Variants in SYAP1 observed in about 807,000 individuals in gnomAD.
SYAP1 encodes synapse associated protein 1, also known as synapse-associated protein 1.
In SYAP1, 3 loss-of-function variants were observed where a neutral mutation model predicts 29.6. The observed-to-expected ratio is 0.10, with a 90% CI of 0.05 to 0.26. SYAP1 has a LOEUF of 0.26. Ranked by LOEUF, SYAP1 falls within the 10% of genes least tolerant of loss-of-function variation. SYAP1 has a pLI of 1.00. For missense variants in SYAP1, 217 were observed against 264.1 expected (o/e 0.82, Z 1.24); for synonymous variants, 102 against 102.7 (o/e 0.99, Z 0.04).
In SYAP1 at chrX:16,756,520, TAAGAA is replaced by T. The variant is rs1234379484; in HGVS notation, c.725-139_725-135del. 6 of 525,280 alleles carry T rather than the reference TAAGAA, an allele frequency of 1.1e-5. No homozygotes were observed. The East Asian group carries it at 1.9e-4, about 16-fold the overall frequency. 43.3% of individuals were successfully genotyped at this position (525,280 alleles called of 1,213,427 possible). On this transcript the variant is annotated intron_variant, in intron 6 of 8. Transcript: ENST00000380155. The stretch of plus-strand genomic sequence containing the variant: ...TTCACCATGGCTGTTTCTTATAACT[TAAGAA>T]AAGCTGAAAGCATAACATAAAAATT...
chrX:16,741,604 GCTA>G, intron 3 of SYAP1, 109 bp from the exon 4 acceptor site: 1 of 481,598 alleles, frequency 2.1e-6, no homozygotes, highest in Non-Finnish European at 3.6e-6. Context: ...TTGGTAAATT[GCTA>G]CTTTTAGTGG....
intron 5 of SYAP1, among the ~76,000 whole-genome samples, chrX:16,746,173 A>T (rs1602331338): frequency 4.4e-5 from 2 of 45,774 alleles, no homozygotes; most frequent in African/African-American, 8.2e-5. Flanking sequence ...AGTATGTTTT[A>T]TGGCAAAAAA....
Position 16,719,670 on chromosome X carries a change from CAGTGCTCGCT to C in SYAP1, c.-54_-45del. The C allele has an allele frequency of 1.7e-6, 2 of 1,166,831 alleles. No individual in the cohort carries two copies. The highest frequency in any genetic ancestry group is 3.1e-5 in the East Asian group (1 of 32,091). On this transcript the variant is annotated 5_prime_UTR_variant, in exon 1 of 9. Transcript: ENST00000380155. Reference sequence around the variant, plus strand: ...CGCGCAGAGTGGAGTCAAAGGCAACCAGTGCTCGCTGCGGTCTCTGGGGATCGGGACCGCG... The same window carrying C: ...CGCGCAGAGTGGAGTCAAAGGCAACCGCGGTCTCTGGGGATCGGGACCGCG...
chrX:16,760,494 G>T lies in SYAP1; in HGVS notation c.*135G>T, dbSNP rs1602339329. 1 of 600,043 alleles carries T rather than the reference G, an allele frequency of 1.7e-6. No homozygotes were observed. The highest frequency in any genetic ancestry group is 4.3e-5 in the East Asian group (1 of 23,498). 49.5% of individuals were successfully genotyped at this position (600,043 alleles called of 1,213,427 possible). ...TTCAAAATTATTCTTTTTTCAAGTTGAAACTTGCCTCTTCTACTTTAAAAA... is the reference window on the plus strand; with the variant it reads ...TTCAAAATTATTCTTTTTTCAAGTTTAAACTTGCCTCTTCTACTTTAAAAA... On this transcript the variant is annotated 3_prime_UTR_variant, in exon 9 of 9. Coordinates refer to ENST00000380155, the MANE Select transcript of SYAP1 (RefSeq NM_032796.4).
intron 8 of SYAP1, among the ~76,000 whole-genome samples, chrX:16,759,683 C>T (rs763611426): frequency 6.4e-4 from 71 of 111,699 alleles, no homozygotes; most frequent in Non-Finnish European, 1.1e-3. Context: ...TTATATCTGT[C>T]GCTGTCAAAC....
intron 1 of SYAP1, among the ~76,000 whole-genome samples, chrX:16,724,986 G>A (rs1926053914): frequency 8.9e-6 from 1 of 112,065 alleles, no homozygotes; most frequent in Non-Finnish European, 1.9e-5. Flanking sequence ...GAAGAGATGG[G>A]CTACTGGCTG....
intron 2 of SYAP1, among the ~76,000 whole-genome samples, chrX:16,735,890 G>A (rs780330296): frequency 8.9e-6 from 1 of 112,786 alleles, no homozygotes; most frequent in Non-Finnish European, 1.9e-5. Context: ...CTCCCAAAGT[G>A]CTGGGATTAC....
chrX:16,756,512 T>C, intron 6 of SYAP1, 151 bp from the exon 7 acceptor site: 1 of 501,890 alleles, frequency 2.0e-6, no homozygotes, highest in South Asian at 3.7e-5. Context: ...TGGCTGTTTC[T>C]TATAACTTAA....
At chrX:16,732,518 C>T (rs998890764) in intron 1 of SYAP1, among the ~76,000 whole-genome samples, 5 of 110,747 alleles carry the variant, frequency 4.5e-5, no homozygotes, top group South Asian at 3.8e-4. Flanking sequence ...GTGATCTGCC[C>T]GCCTCGGCCT....
rs1489898915 is a variant in SYAP1, at chrX:16,760,142, C to G, written c.932-90C>G. 5.3e-6 allele frequency: 5 copies of G among 951,570 alleles called. No homozygotes were observed. The South Asian group carries it at 1.2e-4, about 23-fold the overall frequency. The allele number at this position is 951,570 out of a possible 1,213,427, so 78.4% of individuals were successfully genotyped here. A position where few individuals can be genotyped will look rare whatever the true frequency, so the allele number is the denominator to read the frequency against. On this transcript the variant is annotated intron_variant, in intron 8 of 8. Coordinates refer to ENST00000380155, the MANE Select transcript of SYAP1 (RefSeq NM_032796.4). ...ATACTAAAAATTACAGCAGCTAGGA[C>G]TTTACGTAGGTAATTGAGATGGACC...
At chrX:16,750,497 C>T (rs1489261523) in intron 5 of SYAP1, among the ~76,000 whole-genome samples, 3 of 111,516 alleles carry the variant, frequency 2.7e-5, no homozygotes, top group Non-Finnish European at 5.6e-5. Context: ...CCCAGCATAG[C>T]GCCTGATGCA....
intron 2 of SYAP1, 131 bp from the exon 3 acceptor site, chrX:16,736,035 A>G: frequency 2.1e-6 from 1 of 473,887 alleles, no homozygotes; most frequent in Non-Finnish European, 3.8e-6. Flanking sequence ...TAAGACTCTA[A>G]GGAGTGAGTT....
intron 5 of SYAP1, among the ~76,000 whole-genome samples, chrX:16,751,037 A>T (rs1602334030): frequency 9.2e-6 from 1 of 108,443 alleles, no homozygotes; most frequent in Admixed American, 1.0e-4. Flanking sequence ...AAAGTGCTGG[A>T]ATTACAGGCA....
At chrX:16,752,056 C>T (rs1394644426) in intron 5 of SYAP1, among the ~76,000 whole-genome samples, 1 of 100,610 alleles carries the variant, frequency 9.9e-6, no homozygotes, top group Non-Finnish European at 2.0e-5. Flanking sequence ...CTTGGCTCAC[C>T]GCAGCCTCCA....
chrX:16,757,896 G>C (rs2147438732), intron 8 of SYAP1, among the ~76,000 whole-genome samples: 1 of 107,138 alleles, frequency 9.3e-6, no homozygotes, highest in South Asian at 4.0e-4. Context: ...GACAGAGCAA[G>C]ACTTCATCTC....
intron 8 of SYAP1, among the ~76,000 whole-genome samples, chrX:16,757,976 G>A (rs1243820751): frequency 4.5e-5 from 5 of 111,196 alleles, no homozygotes; most frequent in Non-Finnish European, 7.5e-5. Flanking sequence ...CATGTACATG[G>A]AAGATTCTTT....
chrX:16,733,667 C>G (rs1926258762), intron 1 of SYAP1, among the ~76,000 whole-genome samples: 1 of 104,962 alleles, frequency 9.5e-6, no homozygotes, highest in Non-Finnish European at 1.9e-5. Context: ...TACAAATTAG[C>G]CCTTTTTTTT....
rs1265372949 is a variant in SYAP1 at position 16,761,762 on chromosome X, AC to A, written c.*1405del. 2 of 112,107 alleles carry A rather than the reference AC, an allele frequency of 1.8e-5. No homozygotes were observed. The highest frequency in any genetic ancestry group is 1.9e-5 in the Non-Finnish European group (1 of 53,274). 9.2% of individuals were successfully genotyped at this position (112,107 alleles called of 1,213,427 possible). A position where few individuals can be genotyped will look rare whatever the true frequency, so the allele number is the denominator to read the frequency against. On this transcript the variant is annotated 3_prime_UTR_variant, in exon 9 of 9. Transcript: ENST00000380155. Reference sequence around the variant, plus strand: ...AACTTCCTAAGCATTTGCTCCCCAAACCTTTCATGTTTTTCAAGAAGCCTTT... The same window carrying A: ...AACTTCCTAAGCATTTGCTCCCCAAACTTTCATGTTTTTCAAGAAGCCTTT...
chrX:16,724,169 G>A (rs948464897), intron 1 of SYAP1, among the ~76,000 whole-genome samples: 7 of 111,899 alleles, frequency 6.3e-5, no homozygotes, highest in African/African-American at 1.9e-4. Flanking sequence ...AGGCACATGG[G>A]GTGGAAGTCC....
Sources: gnomAD v4.1 joint callset for allele counts (sites outside exome capture counted in the v4.1 genomes callset) on GRCh38, gnomAD v4.1.1 for gene constraint, MANE v1.5 for transcripts, NCBI Gene and HGNC (gene_info 2026-07-23, HGNC 2026-07-21) for gene names.